The following NBPF8 variants were observed in gnomAD, a reference collection of about 807,000 sequenced individuals.
NBPF8 encodes the protein NBPF member 8.
chr1:120,464,818 A>T (rs1449400252), intron 23 of NBPF8, among the ~76,000 whole-genome samples: 1 of 143,814 alleles, frequency 7.0e-6, no homozygotes, highest in African/African-American at 2.6e-5. Context: ...GATGTGACAA[A>T]TTCAGAGAAC....
intron 18 of NBPF8, among the ~76,000 whole-genome samples, 176 bp from the exon 17 acceptor site, chr1:120,461,078 T>C (rs1180931824): frequency 2.9e-4 from 43 of 148,268 alleles, no homozygotes; most frequent in Admixed American, 8.1e-4. Context: ...TTCTCTTTCA[T>C]CCTTTTCTAC....
upstream of NBPF8, among the ~76,000 whole-genome samples, chr1:120,431,419 C>T (rs1335936910): frequency 0.028 from 3,341 of 119,298 alleles, 259 homozygotes; most frequent in African/African-American, 0.1. Flanking sequence ...CACACACACA[C>T]ATATATATAT....
At chr1:120,428,318 T>A (rs1176340299) in intron 3 of NBPF8, among the ~76,000 whole-genome samples, 182 of 152,174 alleles carry the variant, frequency 1.2e-3, no homozygotes, top group Admixed American at 2.0e-3. Context: ...ACTGGACGCC[T>A]TAGGATACAT....
intron 24 of NBPF8, 150 bp from the exon 23 acceptor site, chr1:120,465,828 C>A: frequency 6.6e-7 from 1 of 1,509,686 alleles, no homozygotes; most frequent in East Asian, 2.3e-5. Context: ...CCTGTTCTAT[C>A]CCAACATAAA....
upstream of NBPF8, among the ~76,000 whole-genome samples, chr1:120,416,145 A>T (rs1660431456): frequency 6.6e-6 from 1 of 151,750 alleles, no homozygotes; most frequent in Non-Finnish European, 1.5e-5. Context: ...CTGAGCTGAT[A>T]TGTGTTAGTA....
intron 3 of NBPF8, among the ~76,000 whole-genome samples, 161 bp downstream of exon 3, chr1:120,428,008 A>G (rs1660768465): frequency 6.6e-6 from 1 of 152,222 alleles, no homozygotes; most frequent in African/African-American, 2.4e-5. Context: ...ACAATTTTCT[A>G]AACATTCTTT....
intron 1 of NBPF8, among the ~76,000 whole-genome samples, chr1:120,425,590 G>A (rs1313427305): frequency 1.2e-4 from 18 of 152,190 alleles, no homozygotes; most frequent in East Asian, 7.7e-4. Context: ...TGGGTCCTCC[G>A]TATGCTGAAC....
exon 25 of NBPF8, chr1:120,466,031 T>A (rs1447117141): frequency 2.4e-5 from 38 of 1,611,920 alleles, no homozygotes; most frequent in Non-Finnish European, 3.2e-5. Context: ...CAGGACTCAC[T>A]GGATAGATGT....
intron 20 of NBPF8, among the ~76,000 whole-genome samples, chr1:120,462,585 T>C (rs1157266233): frequency 3.6e-4 from 37 of 102,872 alleles, no homozygotes; most frequent in Non-Finnish European, 6.6e-4. Flanking sequence ...TTCTCCTCTC[T>C]CTCTCTCTCC....
chr1:120,431,321 AAT>A lies in NBPF8; in HGVS notation n.510+3491_510+3492del, dbSNP rs1336548048. Among the ~76,000 whole-genome samples the A allele has an allele frequency of 2.3e-4, 19 of 80,854 alleles. 1 individual carries two copies. The highest frequency in any genetic ancestry group is 9.1e-4 in the East Asian group (4 of 4,400). The allele number at this position is 80,854 out of a possible 152,430, so 53.0% of individuals were successfully genotyped here. On this transcript the variant is annotated intron_variant and non_coding_transcript_variant, in intron 3 of 28. Transcript: ENST00000652355. ...TGAAGATTATCATCTCCAAATAGGG[AAT>A]ATATATATATATATATTTATCATCT...
chr1:120,460,565 A>G lies in NBPF8; in HGVS notation n.2785-8A>G. ...AATGTAAGAGGGCCCATATGAATTTATTTGCAGGACATCGGTGGGATCAAG... is the reference window on the plus strand; with the variant it reads ...AATGTAAGAGGGCCCATATGAATTTGTTTGCAGGACATCGGTGGGATCAAG... On this transcript the variant is annotated splice_polypyrimidine_tract_variant and splice_region_variant and intron_variant and non_coding_transcript_variant, in intron 17 of 24. Transcript: ENST00000583271. 1.4e-6 allele frequency: 2 copies of G among 1,421,432 alleles called. No individual in the cohort carries two copies. Among genetic ancestry groups the G allele is most frequent in the Non-Finnish European group, 2.0e-6 (2 of 1,016,708 alleles). The allele number at this position is 1,421,432 out of a possible 1,614,324, so 88.1% of individuals were successfully genotyped here.
At chr1:120,469,670 T>C (rs1661862569), downstream of NBPF8, among the ~76,000 whole-genome samples, 1 of 151,390 alleles carries the variant, frequency 6.6e-6, no homozygotes, top group Non-Finnish European at 1.5e-5. Context: ...AAGAACACTT[T>C]ACCTAACTCT....
intron 16 of NBPF8, among the ~76,000 whole-genome samples, chr1:120,456,234 A>T (rs1241746645): frequency 6.6e-6 from 1 of 151,098 alleles, no homozygotes; most frequent in South Asian, 2.1e-4. Flanking sequence ...AGAAGAATGT[A>T]TATTCTGTTG....
At chr1:120,455,218 C>T (rs1661402439) in intron 15 of NBPF8, among the ~76,000 whole-genome samples, 191 bp from the exon 14 acceptor site, 1 of 151,936 alleles carries the variant, frequency 6.6e-6, no homozygotes, top group Admixed American at 6.6e-5. Flanking sequence ...AGATTTTGGC[C>T]TGTGGGTCTG....
chr1:120,415,790 G>T (rs1468188000), upstream of NBPF8, among the ~76,000 whole-genome samples: 12 of 152,162 alleles, frequency 7.9e-5, no homozygotes, highest in South Asian at 4.1e-4. Flanking sequence ...CATGACTAGC[G>T]GGGCAGGCCT....
chr1:120,435,648 G>A (rs1319019018), upstream of NBPF8, among the ~76,000 whole-genome samples: 2 of 149,548 alleles, frequency 1.3e-5, no homozygotes, highest in African/African-American at 2.5e-5. Context: ...CGAGACCATC[G>A]TGGCTAACAC....
intron 11 of NBPF8, among the ~76,000 whole-genome samples, chr1:120,450,445 G>A (rs1202717020): frequency 6.6e-6 from 1 of 151,962 alleles, no homozygotes; most frequent in Admixed American, 6.5e-5. Flanking sequence ...CTGTCCCTCA[G>A]TTTCCTCACC....
upstream of NBPF8, among the ~76,000 whole-genome samples, chr1:120,415,061 C>T (rs1224199897): frequency 6.6e-6 from 1 of 151,956 alleles, no homozygotes; most frequent in East Asian, 1.9e-4. Flanking sequence ...AGCCAGCTGG[C>T]TCAGGCTATG....
At chr1:120,464,475 C>G in exon 23 of NBPF8, 1 of 1,061,012 alleles carries the variant, frequency 9.4e-7, no homozygotes, top group South Asian at 1.2e-5. Flanking sequence ...AACAGCCTGA[C>G]TCCTGCCAGC....
Sources: allele counts gnomAD v4.1 joint callset (sites outside exome capture counted in the v4.1 genomes callset), GRCh38; gene constraint gnomAD v4.1.1; transcripts MANE v1.5; gene names NCBI Gene and HGNC (gene_info 2026-07-23, HGNC 2026-07-21).